The following MYH11 variants were observed in gnomAD, a reference collection of about 807,000 sequenced individuals.
The protein encoded by MYH11 is myosin-11.
A neutral mutation model predicts 246.6 loss-of-function variants in MYH11; 80 were observed. That is an observed-to-expected ratio of 0.32 (90% confidence interval 0.27 to 0.39). The LOEUF is 0.39. Ranked by LOEUF, MYH11 falls within the 10% of genes least tolerant of loss-of-function variation. The probability of loss-of-function intolerance (pLI) is 1.00; values close to 1 mark genes in which losing one functional copy is unlikely to be tolerated. For missense variants in MYH11, 2,158 were observed against 2,546.8 expected, an observed-to-expected ratio of 0.85 and a Z score of 3.29; for synonymous variants, 1,071 against 1,015.5, an observed-to-expected ratio of 1.05 and a Z score of -1.04.
chr16:15,715,011 C>A lies in MYH11; in HGVS notation c.5684G>T (p.Arg1895Leu). The A allele has an allele frequency of 1.2e-6, 2 of 1,613,918 alleles. No homozygotes were observed. The highest frequency in any genetic ancestry group is 1.7e-6 in the Non-Finnish European group (2 of 1,180,014). Residue 1895 changes from arginine (R) to leucine (L), a missense_variant, in exon 40 of 41, where the codon CGC (arginine) becomes CTC (leucine). This residue lies in a region of MYH11 where 1,013 missense variants were observed against 993.5 expected (regional missense o/e 1.02). Coordinates refer to ENST00000300036, the MANE Select transcript of MYH11 (RefSeq NM_002474.3). ...QLEEAEEESQ[R>L]INANRRKLQR... ...CAGCTTCCTGCGGTTGGCGTTGATG[C>A]GCTGGGACTCCTCCTCTGCCTCCTC...
chr16:15,830,519 C>T (rs1326926019), intron 2 of MYH11, among the ~76,000 whole-genome samples: 4 of 152,056 alleles, frequency 2.6e-5, no homozygotes, highest in African/African-American at 7.2e-5. Flanking sequence ...GCACAACAGC[C>T]GGGGCCTGTG....
At chr16:15,780,259 C>G (rs1383873890) in intron 6 of MYH11, among the ~76,000 whole-genome samples, 8 of 149,000 alleles carry the variant, frequency 5.4e-5, no homozygotes, top group Non-Finnish European at 1.0e-4. Flanking sequence ...CATTATTTGG[C>G]TTGTCACATG....
chr16:15,717,031 G>T (rs747949350), intron 38 of MYH11, 109 bp downstream of exon 38: 28 of 1,184,566 alleles, frequency 2.4e-5, no homozygotes, highest in Non-Finnish European at 3.4e-5. Context: ...CACAGAGCTT[G>T]CTTCTTACAA....
In MYH11 at chr16:15,703,197, C is replaced by T. The variant is rs1382089181; in HGVS notation, c.*794G>A. Reference sequence around the variant, plus strand: ...AAGCACAGTCAGGGTGTAAACAGTGCAGCATTCCTGCTCCCCTCCGTGGGA... The same window carrying T: ...AAGCACAGTCAGGGTGTAAACAGTGTAGCATTCCTGCTCCCCTCCGTGGGA... On this transcript the variant is annotated 3_prime_UTR_variant, in exon 41 of 41. Transcript: ENST00000300036. 2 of 205,054 alleles carry T rather than the reference C, an allele frequency of 9.8e-6. 1 individual carries two copies. Among genetic ancestry groups the T allele is most frequent in the Middle Eastern group, 3.4e-3 (2 of 592 alleles). The allele number at this position is 205,054 out of a possible 1,614,324, so 12.7% of individuals were successfully genotyped here.
intron 40 of MYH11, chr16:15,714,619 G>A (rs998322694): frequency 1.1e-5 from 6 of 552,726 alleles, no homozygotes; most frequent in Non-Finnish European, 2.0e-5. Flanking sequence ...GGGGCTGGAG[G>A]AGACAGTGGG....
chr16:15,703,478 T>C lies in MYH11; in HGVS notation c.*513A>G, dbSNP rs1437474041. On this transcript the variant is annotated 3_prime_UTR_variant, in exon 41 of 41. Transcript: ENST00000300036. ...TATGTTTTTCTAAAAACTCAGTGTC[T>C]GCACAATCCATTGATAGAACTGGAG... 1 of 262,202 alleles carries C rather than the reference T, an allele frequency of 3.8e-6. No individual in the cohort carries two copies. The highest frequency in any genetic ancestry group is 7.5e-6 in the Non-Finnish European group (1 of 134,198). The allele number at this position is 262,202 out of a possible 1,614,324, so 16.2% of individuals were successfully genotyped here. A position where few individuals can be genotyped will look rare whatever the true frequency, so the allele number is the denominator to read the frequency against.
At chr16:15,823,184 C>A in intron 3 of MYH11, 71 bp downstream of exon 3, 2 of 1,604,136 alleles carry the variant, frequency 1.2e-6, no homozygotes, top group South Asian at 1.1e-5. Context: ...ACATTCCTGG[C>A]AAGAACTGCA....
At chr16:15,784,926 T>G in intron 5 of MYH11, 1 of 553,258 alleles carries the variant, frequency 1.8e-6, no homozygotes, top group Non-Finnish European at 3.2e-6. Context: ...CTCAACCTAC[T>G]GGGCTCAGGC....
chr16:15,817,873 TTCGAGGCTTATAAAGCCCCACCTC>T (rs772724598), intron 3 of MYH11, among the ~76,000 whole-genome samples: 3 of 152,166 alleles, frequency 2.0e-5, no homozygotes, highest in Non-Finnish European at 4.4e-5. Context: ...CAAACCATTC[TTCGAGGCTTATAAAGCCCCACCTC>T]TCTCAAATAA....
At chr16:15,738,504 C>T in intron 24 of MYH11, 61 bp downstream of exon 24, 2 of 1,489,902 alleles carry the variant, frequency 1.3e-6, no homozygotes, top group Non-Finnish European at 1.8e-6. Flanking sequence ...CAGAGCAAGA[C>T]CTCATCTCTA....
Position 15,747,739 on chromosome 16 carries a change from G to T in MYH11, c.2251-9C>A, listed in dbSNP as rs749222918. The T allele has an allele frequency of 2.5e-6, 4 of 1,613,890 alleles. No homozygotes were observed. Among genetic ancestry groups the T allele is most frequent in the Admixed American group, 3.3e-5 (2 of 59,992 alleles). ...AGTTCCAGGGCTTTGATCTGCAAAA[G>T]GAAGGAAAGGAAGAGCTCCTGATTT... On this transcript the variant is annotated splice_polypyrimidine_tract_variant and intron_variant, in intron 18 of 40. Transcript: ENST00000300036.
Position 15,714,901 on chromosome 16 carries a change from C to T in MYH11, c.5786+8G>A, listed in dbSNP as rs367631852. 1.9e-6 allele frequency: 3 copies of T among 1,613,282 alleles called. No individual in the cohort carries two copies. The highest frequency in any genetic ancestry group is 2.7e-5 in the African/African-American group (2 of 74,926). On this transcript the variant is annotated splice_region_variant and intron_variant, in intron 40 of 40. Coordinates refer to ENST00000300036, the MANE Select transcript of MYH11 (RefSeq NM_002474.3). ...AGACGGGGTCCTCCCGGGCCACGGGCTCCTCACCTGAGCTTGCTCTTGAGT... is the reference window on the plus strand; with the variant it reads ...AGACGGGGTCCTCCCGGGCCACGGGTTCCTCACCTGAGCTTGCTCTTGAGT...
chr16:15,847,246 CTTTTT>C (rs545966682), intron 1 of MYH11, among the ~76,000 whole-genome samples: 2 of 112,282 alleles, frequency 1.8e-5, no homozygotes, highest in Admixed American at 9.5e-5. Flanking sequence ...AAGTGGACTT[CTTTTT>C]TTTTTTTTTT....
At chr16:15,771,467 G>A (rs2042099319) in intron 9 of MYH11, 102 bp downstream of exon 9, 10 of 1,074,850 alleles carry the variant, frequency 9.3e-6, no homozygotes, top group Non-Finnish European at 4.0e-6. Flanking sequence ...GGAAGGTGGG[G>A]AATTCAGAGA....
At chr16:15,838,856 C>CAAA (rs10573476) in intron 1 of MYH11, among the ~76,000 whole-genome samples, 10 of 88,844 alleles carry the variant, frequency 1.1e-4, no homozygotes, top group South Asian at 3.7e-4. Context: ...GACTCCATCT[C>CAAA]AAAAAAAAAA....
At chr16:15,821,712 A>G (rs7187095) in intron 3 of MYH11, among the ~76,000 whole-genome samples, 1 of 145,214 alleles carries the variant, frequency 6.9e-6, no homozygotes, top group Admixed American at 6.8e-5. Context: ...AGGTCAGGAG[A>G]TCGAGACCAT....
At chr16:15,794,304 G>T (rs532096099) in intron 4 of MYH11, among the ~76,000 whole-genome samples, 9 of 152,218 alleles carry the variant, frequency 5.9e-5, no homozygotes, top group Non-Finnish European at 1.0e-4. Flanking sequence ...CTTCTCTTAA[G>T]CACCAACTAC....
rs753959524 is a variant in MYH11, at chr16:15,741,748, C to T, written c.2652+12G>A. 9 of 1,614,188 alleles carry T rather than the reference C, an allele frequency of 5.6e-6. No homozygotes were observed. The highest frequency in any genetic ancestry group is 7.6e-6 in the Non-Finnish European group (9 of 1,180,044). ...TTCCCCAGCAACCCCAGCCATGCAT[C>T]CATACAGGTACCTGCGAGTGCTTCT... On this transcript the variant is annotated intron_variant, in intron 21 of 40. Transcript: ENST00000300036.
intron 40 of MYH11, chr16:15,714,632 T>C (rs1029398369): frequency 5.3e-6 from 3 of 568,006 alleles, no homozygotes; most frequent in African/African-American, 1.9e-5. Flanking sequence ...ACAGTGGGGA[T>C]AGCCTCTTCC....
Sources: gnomAD v4.1 joint callset for allele counts (sites outside exome capture counted in the v4.1 genomes callset) on GRCh38, gnomAD v4.1.1 for gene constraint, gnomAD v4.1.1 regional missense constraint, MANE v1.5 for transcripts, NCBI Gene and HGNC (gene_info 2026-07-23, HGNC 2026-07-21) for gene names.